Variants in NME7 observed in about 807,000 individuals in gnomAD.
NME7 encodes nucleoside diphosphate kinase 7.
Under a neutral mutation model 49.1 loss-of-function variants are expected in NME7, and 41 were observed. The ratio of observed to expected loss-of-function variants is 0.83; its 90% CI spans 0.65 to 1.08. The LOEUF (loss-of-function observed/expected upper bound fraction) is 1.08. NME7 is among the 50% of genes least tolerant of loss of function. The probability of loss-of-function intolerance (pLI) is 0.00; values close to 1 mark genes in which losing one functional copy is unlikely to be tolerated. For missense variants in NME7, 423 were observed against 463.4 expected (o/e 0.91, Z 0.80); for synonymous variants, 139 against 150.6 (o/e 0.92, Z 0.56).
intron 6 of NME7, among the ~76,000 whole-genome samples, chr1:169,288,783 AACTACCCCTTTTAGTCCTAT>A (rs1348946245): frequency 6.6e-6 from 1 of 152,166 alleles, no homozygotes; most frequent in African/African-American, 2.4e-5. Context: ...TAACAACAGC[AACTACCCCTTTTAGTCCTAT>A]ACCAGATGCT....
intron 1 of NME7, among the ~76,000 whole-genome samples, chr1:169,339,406 C>T (rs1443573441): frequency 1.3e-5 from 2 of 152,078 alleles, no homozygotes; most frequent in Admixed American, 6.6e-5. Context: ...GGCTCTTAAT[C>T]AATAAATAAA....
intron 7 of NME7, among the ~76,000 whole-genome samples, chr1:169,251,684 A>G (rs923630899): frequency 3.5e-5 from 5 of 143,808 alleles, no homozygotes. Flanking sequence ...AGCATTAGGT[A>G]TATCTCCCAA....
intron 11 of NME7, among the ~76,000 whole-genome samples, chr1:169,143,438 T>C (rs956665878): frequency 2.0e-5 from 3 of 152,152 alleles, no homozygotes; most frequent in Non-Finnish European, 4.4e-5. Context: ...AAATGCCATT[T>C]GCTAAAGGAA....
intron 10 of NME7, among the ~76,000 whole-genome samples, chr1:169,215,442 C>T (rs1245007729): frequency 2.6e-5 from 4 of 152,160 alleles, no homozygotes; most frequent in African/African-American, 7.2e-5. Context: ...CCACGGGTTT[C>T]AGGTTTTTTG....
At chr1:169,327,357 C>T (rs1652095814) in intron 1 of NME7, among the ~76,000 whole-genome samples, 1 of 152,182 alleles carries the variant, frequency 6.6e-6, no homozygotes, top group South Asian at 2.1e-4. Context: ...ATCATTTTTC[C>T]TCTTTTGAAC....
At chr1:169,299,784 A>T (rs989420898) in intron 5 of NME7, among the ~76,000 whole-genome samples, 2 of 152,172 alleles carry the variant, frequency 1.3e-5, no homozygotes, top group Non-Finnish European at 2.9e-5. Flanking sequence ...TTCTATCCTA[A>T]GAGTTCTATA....
chr1:169,188,150 C>T (rs1365350980), intron 10 of NME7, among the ~76,000 whole-genome samples: 2 of 152,154 alleles, frequency 1.3e-5, no homozygotes, highest in Non-Finnish European at 2.9e-5. Context: ...TTGTTGGTAA[C>T]CCGACCTTTC....
chr1:169,237,149 CA>C (rs1647889344), intron 8 of NME7, among the ~76,000 whole-genome samples: 1 of 151,976 alleles, frequency 6.6e-6, no homozygotes, highest in Admixed American at 6.6e-5. Context: ...TGCTAGAATA[CA>C]CTAACTCCAA....
At chr1:169,340,767 G>A (rs60418582) in intron 1 of NME7, among the ~76,000 whole-genome samples, 1,636 of 152,300 alleles carry the variant, frequency 0.011, 38 homozygotes, top group African/African-American at 0.037. Context: ...AGAGACTGGC[G>A]GCATTTTGCC....
At chr1:169,286,502 G>A (rs778623163) in intron 7 of NME7, 10 of 151,970 alleles carry the variant, frequency 6.6e-5, no homozygotes, top group Middle Eastern at 3.4e-3. Flanking sequence ...ATAAAATAAA[G>A]AAATTGAGAC....
chr1:169,230,797 GA>G lies in NME7; in HGVS notation c.910del (p.Ser304LeufsTer5), dbSNP rs778971170. On this transcript the variant is annotated frameshift_variant, in exon 10 of 12. Transcript: ENST00000367811. LOFTEE classifies it high-confidence loss of function. Reference sequence around the variant, plus strand: ...AATCTCCATTGCTACACAAGGGCCAGAATACATTTCTGTCACCATGTCCTAT... The same window carrying G: ...AATCTCCATTGCTACACAAGGGCCAGATACATTTCTGTCACCATGTCCTAT... ...EYHDMVTEMYSGPCVAMEIQQ... is the reference protein window; with the variant it reads ...EYHDMVTEMYXGPCVAMEIQQ... 1 of 1,601,978 alleles carries G rather than the reference GA, an allele frequency of 6.2e-7. No individual in the cohort carries two copies. Among genetic ancestry groups the G allele is most frequent in the Non-Finnish European group, 8.5e-7 (1 of 1,174,886 alleles).
At chr1:169,303,455 C>CTTTTT (rs969800387) in intron 4 of NME7, 33 of 113,474 alleles carry the variant, frequency 2.9e-4, no homozygotes, top group African/African-American at 3.4e-4. Flanking sequence ...CTATCTTCTT[C>CTTTTT]TTTTTTTTTT....
chr1:169,343,493 CTTT>C (rs548933130), intron 1 of NME7, among the ~76,000 whole-genome samples: 5 of 140,466 alleles, frequency 3.6e-5, no homozygotes, highest in Non-Finnish European at 6.3e-5. Context: ...TACATTGTCT[CTTT>C]TTTTTTTTTT....
chr1:169,251,469 T>C (rs1648606141), intron 7 of NME7, among the ~76,000 whole-genome samples: 1 of 151,926 alleles, frequency 6.6e-6, no homozygotes, highest in Admixed American at 6.6e-5. Flanking sequence ...ATTTAAGCAA[T>C]TTATATCCAA....
chr1:169,290,929 T>A (rs1267523489), intron 6 of NME7, among the ~76,000 whole-genome samples: 1 of 152,092 alleles, frequency 6.6e-6, no homozygotes, highest in African/African-American at 2.4e-5. Context: ...TCACTGGTCA[T>A]TAGAGAAATG....
intron 8 of NME7, among the ~76,000 whole-genome samples, chr1:169,236,435 T>C (rs1647860824): frequency 6.6e-6 from 1 of 152,148 alleles, no homozygotes. Context: ...ATAGGCTCAA[T>C]TAATCATTTT....
chr1:169,214,624 G>A (rs895054836), intron 10 of NME7, among the ~76,000 whole-genome samples: 6 of 152,198 alleles, frequency 3.9e-5, no homozygotes, highest in African/African-American at 1.4e-4. Flanking sequence ...CCAGGACCAT[G>A]TCAAGAAACA....
chr1:169,197,431 A>T (rs940067005), intron 10 of NME7, among the ~76,000 whole-genome samples: 1 of 152,076 alleles, frequency 6.6e-6, no homozygotes, highest in Non-Finnish European at 1.5e-5. Flanking sequence ...GTATTCTTAG[A>T]TGTCAACATT....
intron 4 of NME7, among the ~76,000 whole-genome samples, chr1:169,307,633 G>A (rs1018187695): frequency 6.6e-6 from 1 of 152,142 alleles, no homozygotes; most frequent in Non-Finnish European, 1.5e-5. Flanking sequence ...TTTACCACAG[G>A]AAGTTAGATA....
Sources: gnomAD v4.1 joint callset for allele counts (sites outside exome capture counted in the v4.1 genomes callset) on GRCh38, gnomAD v4.1.1 for gene constraint, MANE v1.5 for transcripts, NCBI Gene and HGNC (gene_info 2026-07-23, HGNC 2026-07-21) for gene names.